The following CDK14 variants were observed in gnomAD, a reference collection of about 807,000 sequenced individuals.
CDK14 encodes the protein cyclin dependent kinase 14.
CDK14 carries 34 observed loss-of-function variants against 60.7 expected under a neutral mutation model. The ratio of observed to expected loss-of-function variants is 0.56; its 90% CI spans 0.43 to 0.75. CDK14 has a LOEUF of 0.75. CDK14 is among the 30% of genes least tolerant of loss of function. CDK14 has a pLI of 0.00. For synonymous variants in CDK14, 197 were observed against 203.7 expected, an observed-to-expected ratio of 0.97 and a Z score of 0.28; for missense variants, 482 against 564.1, an observed-to-expected ratio of 0.85 and a Z score of 1.47.
intron 11 of CDK14, among the ~76,000 whole-genome samples, chr7:91,065,267 A>G (rs1191196251): frequency 6.6e-6 from 1 of 152,210 alleles, no homozygotes; most frequent in Admixed American, 6.5e-5. Context: ...GGGCAGTGCA[A>G]TTCTGTTCAG....
In CDK14 at chr7:90,955,679, G is replaced by T; in HGVS notation, c.827-18G>T. The stretch of plus-strand genomic sequence containing the variant: ...GCTAATGCCTGTTAAACTTCTTTAT[G>T]TTTCATATAACCCACAGGTCTTGCA... On this transcript the variant is annotated intron_variant, in intron 8 of 14. Coordinates refer to ENST00000380050, the MANE Select transcript of CDK14 (RefSeq NM_001287135.2). 6.2e-7 allele frequency: 1 copy of T among 1,611,754 alleles called. No homozygotes were observed. Among genetic ancestry groups the T allele is most frequent in the Non-Finnish European group, 8.5e-7 (1 of 1,178,572 alleles).
chr7:90,872,095 T>C (rs1791388430), intron 6 of CDK14, among the ~76,000 whole-genome samples: 1 of 152,214 alleles, frequency 6.6e-6, no homozygotes, highest in Admixed American at 6.5e-5. Context: ...ATATAGACCT[T>C]GTTTTTAAAG....
chr7:91,021,934 A>G (rs1796443356), intron 10 of CDK14, among the ~76,000 whole-genome samples: 2 of 152,210 alleles, frequency 1.3e-5, no homozygotes, highest in South Asian at 4.1e-4. Flanking sequence ...GATTTTAACC[A>G]AATATTTTTA....
chr7:90,653,936 C>A (rs200485197), intron 2 of CDK14, among the ~76,000 whole-genome samples: 3 of 152,094 alleles, frequency 2.0e-5, no homozygotes, highest in Non-Finnish European at 2.9e-5. Flanking sequence ...TCTGTCCTTG[C>A]GATAGTTTGC....
At chr7:90,963,347 C>G (rs1199980289) in intron 9 of CDK14, among the ~76,000 whole-genome samples, 2 of 151,740 alleles carry the variant, frequency 1.3e-5, no homozygotes, top group Admixed American at 6.6e-5. Context: ...GCCCCAGATT[C>G]AAGGCTGCAG....
At chr7:90,858,739 C>G (rs1790910379) in intron 5 of CDK14, among the ~76,000 whole-genome samples, 1 of 152,100 alleles carries the variant, frequency 6.6e-6, no homozygotes, top group Non-Finnish European at 1.5e-5. Flanking sequence ...ATGTGTGCAC[C>G]TCAGAAGACT....
chr7:91,072,193 C>T (rs1798168205), intron 11 of CDK14, among the ~76,000 whole-genome samples: 1 of 152,166 alleles, frequency 6.6e-6, no homozygotes, highest in South Asian at 2.1e-4. Context: ...ATGGGTCCTG[C>T]TCCCCGTGCC....
At chr7:90,761,507 A>G (rs1026619612) in intron 4 of CDK14, among the ~76,000 whole-genome samples, 1 of 152,104 alleles carries the variant, frequency 6.6e-6, no homozygotes, top group South Asian at 2.1e-4. Context: ...CTTTATTGTT[A>G]CTGTCATCCT....
intron 9 of CDK14, among the ~76,000 whole-genome samples, chr7:90,973,579 G>A (rs1039959025): frequency 5.3e-5 from 8 of 152,130 alleles, no homozygotes; most frequent in East Asian, 1.9e-4. Context: ...ATATTTCAAC[G>A]TAGGTTCTTT....
intron 12 of CDK14, among the ~76,000 whole-genome samples, chr7:91,082,327 T>TA (rs1305167592): frequency 1.3e-5 from 2 of 152,154 alleles, no homozygotes; most frequent in African/African-American, 4.8e-5. Flanking sequence ...GATAAACCAC[T>TA]AAGTCACAGA....
intron 8 of CDK14, among the ~76,000 whole-genome samples, chr7:90,926,735 C>CT (rs1793427363): frequency 6.6e-6 from 1 of 152,180 alleles, no homozygotes; most frequent in South Asian, 2.1e-4. Context: ...ATTTCTGACA[C>CT]TAACTACGCA....
At chr7:90,899,211 G>A (rs1472242424) in intron 6 of CDK14, 80 bp from the exon 7 acceptor site, 1 of 1,131,094 alleles carries the variant, frequency 8.8e-7, no homozygotes. Context: ...GAAGGTAATG[G>A]TGAGTTTGAA....
At chr7:90,721,597 TC>T (rs1423053327) in intron 2 of CDK14, among the ~76,000 whole-genome samples, 1 of 152,152 alleles carries the variant, frequency 6.6e-6, no homozygotes, top group African/African-American at 2.4e-5. Flanking sequence ...CTTTCACACT[TC>T]CTGCACTGTG....
At chr7:90,635,680 G>A (rs992245386) in intron 2 of CDK14, among the ~76,000 whole-genome samples, 1 of 152,076 alleles carries the variant, frequency 6.6e-6, no homozygotes, top group Non-Finnish European at 1.5e-5. Flanking sequence ...GAAAGTCATT[G>A]GTAGCTTGAT....
chr7:91,069,262 G>A lies in CDK14; in HGVS notation c.1106-10170G>A, dbSNP rs150053487. On this transcript the variant is annotated intron_variant, in intron 11 of 14. Transcript: ENST00000380050. ...ATAATTAAAAGCAGACAAGAAGTCA[G>A]GCACAGCGGCTCGTGCTTGTAATCT... is the stretch of plus-strand genomic sequence containing the variant. Among the ~76,000 whole-genome samples the A allele has an allele frequency of 3.1e-3, 472 of 152,288 alleles. 2 individuals carry two copies. Among genetic ancestry groups the A allele is most frequent in the African/African-American group, 0.011 (442 of 41,562 alleles).
chr7:90,895,364 T>TCCCCTCC (rs1792274740), intron 6 of CDK14, among the ~76,000 whole-genome samples: 4 of 7,470 alleles, frequency 5.4e-4, no homozygotes, highest in Non-Finnish European at 8.3e-4. Context: ...TCCTCACCTC[T>TCCCCTCC]CCTCCCCTCC....
intron 14 of CDK14, among the ~76,000 whole-genome samples, chr7:91,179,991 A>T (rs906035746): frequency 6.6e-6 from 1 of 152,206 alleles, no homozygotes; most frequent in Non-Finnish European, 1.5e-5. Context: ...TTTATGCTAT[A>T]GAGTATTATA....
intron 2 of CDK14, among the ~76,000 whole-genome samples, chr7:90,695,454 T>A (rs1801636234): frequency 6.6e-6 from 1 of 152,228 alleles, no homozygotes; most frequent in Non-Finnish European, 1.5e-5. Flanking sequence ...AAATGTTTAC[T>A]GAGCGTCTAC....
intron 14 of CDK14, among the ~76,000 whole-genome samples, chr7:91,161,694 A>G (rs754287813): frequency 3.9e-5 from 6 of 152,230 alleles, no homozygotes; most frequent in African/African-American, 1.4e-4. Context: ...GACAACTTCT[A>G]ATAATAAATG....
Sources: allele counts gnomAD v4.1 joint callset (sites outside exome capture counted in the v4.1 genomes callset), GRCh38; gene constraint gnomAD v4.1.1; transcripts MANE v1.5; gene names NCBI Gene and HGNC (gene_info 2026-07-23, HGNC 2026-07-21).